The following SNX9 variants were observed in gnomAD, a reference collection of about 807,000 sequenced individuals.
The protein encoded by SNX9 is sorting nexin 9, also known as sorting nexin-9.
Under a neutral mutation model 89.4 loss-of-function variants are expected in SNX9, and 44 were observed. That is an observed-to-expected ratio of 0.49 (90% CI 0.39 to 0.63). The LOEUF (loss-of-function observed/expected upper bound fraction) is 0.63. SNX9 is among the 30% of genes least tolerant of loss of function. SNX9 has a pLI of 0.00. For missense variants in SNX9, 578 were observed against 736.1 expected (o/e 0.79, Z 2.49); for synonymous variants, 236 against 247.8 (o/e 0.95, Z 0.45).
chr6:157,828,500 AT>A (rs998166742), intron 1 of SNX9, among the ~76,000 whole-genome samples: 166 of 148,988 alleles, frequency 1.1e-3, no homozygotes, highest in Middle Eastern at 3.5e-3. Flanking sequence ...GATTATTATT[AT>A]TTTTTTTTTG....
chr6:157,914,632 ACTT>A (rs1783425350), intron 9 of SNX9, among the ~76,000 whole-genome samples: 1 of 149,914 alleles, frequency 6.7e-6, no homozygotes. Context: ...TCTCATCAAC[ACTT>A]CTTGTTAATT....
chr6:157,941,080 A>T, intron 17 of SNX9, 106 bp downstream of exon 17: 1 of 998,264 alleles, frequency 1.0e-6, no homozygotes, highest in Non-Finnish European at 1.5e-6. Flanking sequence ...AATCCTAAGT[A>T]ATAAACCAAA....
intron 4 of SNX9, among the ~76,000 whole-genome samples, chr6:157,882,420 C>A (rs528296893): frequency 6.6e-6 from 1 of 152,310 alleles, no homozygotes; most frequent in African/African-American, 2.4e-5. Flanking sequence ...TATTCTACAG[C>A]CCTTGGATCG....
chr6:157,858,195 G>A (rs1487742883), intron 1 of SNX9, among the ~76,000 whole-genome samples: 1 of 151,674 alleles, frequency 6.6e-6, no homozygotes, highest in Non-Finnish European at 1.5e-5. Flanking sequence ...CTATCGTTCT[G>A]TTGGCCAGAG....
chr6:157,846,303 C>T (rs1177677321), intron 1 of SNX9, among the ~76,000 whole-genome samples: 2 of 152,216 alleles, frequency 1.3e-5, no homozygotes, highest in African/African-American at 2.4e-5. Flanking sequence ...TATCCTTAAG[C>T]CTACATTTGT....
At chr6:157,907,547 G>A (rs1033390121) in intron 7 of SNX9, among the ~76,000 whole-genome samples, 16 of 152,298 alleles carry the variant, frequency 1.1e-4, no homozygotes, top group Admixed American at 3.3e-4. Context: ...GCCTCCCAAA[G>A]TGCTGGGATT....
intron 9 of SNX9, among the ~76,000 whole-genome samples, chr6:157,911,301 A>G (rs1036009866): frequency 1.3e-5 from 2 of 152,198 alleles, no homozygotes; most frequent in Admixed American, 1.3e-4. Flanking sequence ...TAAAAGAGAC[A>G]CTGAGATGCT....
chr6:157,840,287 A>C (rs1043869297), intron 1 of SNX9, among the ~76,000 whole-genome samples: 1 of 152,130 alleles, frequency 6.6e-6, no homozygotes. Flanking sequence ...CTCAGGGAAG[A>C]GGGGCTGCTC....
At chr6:157,924,080 C>A (rs950791564) in intron 10 of SNX9, among the ~76,000 whole-genome samples, 1 of 152,108 alleles carries the variant, frequency 6.6e-6, no homozygotes, top group Non-Finnish European at 1.5e-5. Context: ...CACCTGTAAT[C>A]CCAGCTACTT....
rs547332175 is a variant in SNX9 at position 157,852,275 on chromosome 6, C to T, written c.13-15272C>T. 8.4e-4 allele frequency among the ~76,000 whole-genome samples: 128 copies of T among 152,302 alleles called. 1 individual carries two copies. Among genetic ancestry groups the T allele is most frequent in the Admixed American group, 1.0e-3 (16 of 15,308 alleles). On this transcript the variant is annotated intron_variant, in intron 1 of 17. Coordinates refer to ENST00000392185, the MANE Select transcript of SNX9 (RefSeq NM_016224.5). ...TTTAAAGAAGTATATCTGAATTTTA[C>T]ACATACTCCAAAACTGTAATTATTT...
intron 1 of SNX9, among the ~76,000 whole-genome samples, chr6:157,836,615 CAG>C (rs1162498903): frequency 6.7e-6 from 1 of 149,778 alleles, no homozygotes; most frequent in African/African-American, 2.5e-5. Context: ...TTTTTTGATA[CAG>C]AGTCTTACTC....
chr6:157,941,074 C>T (rs537780610), intron 17 of SNX9, 100 bp downstream of exon 17: 4 of 1,064,402 alleles, frequency 3.8e-6, no homozygotes, highest in Admixed American at 2.2e-5. Context: ...TTCTTTAATC[C>T]TAAGTAATAA....
chr6:157,848,249 G>A (rs73792148), intron 1 of SNX9, among the ~76,000 whole-genome samples: 1,917 of 152,078 alleles, frequency 0.013, 35 homozygotes, highest in African/African-American at 0.042. Context: ...TAAACATACC[G>A]GCTACCTAGC....
intron 14 of SNX9, among the ~76,000 whole-genome samples, chr6:157,936,801 C>G (rs772878854): frequency 3.3e-5 from 5 of 152,132 alleles, no homozygotes; most frequent in African/African-American, 7.2e-5. Flanking sequence ...CTTTAGTACC[C>G]CAGTTTCAGG....
chr6:157,894,378 AGGATTATAGGCAT>A (rs1782932306), intron 4 of SNX9, among the ~76,000 whole-genome samples: 1 of 149,406 alleles, frequency 6.7e-6, no homozygotes, highest in South Asian at 2.1e-4. Flanking sequence ...CGAAAGTGGT[AGGATTATAGGCAT>A]GAGCCACTGT....
At chr6:157,882,006 G>A (rs535924377) in intron 4 of SNX9, among the ~76,000 whole-genome samples, 1 of 152,306 alleles carries the variant, frequency 6.6e-6, no homozygotes, top group South Asian at 2.1e-4. Flanking sequence ...TTCTATTATT[G>A]GAAGAAGATG....
intron 6 of SNX9, among the ~76,000 whole-genome samples, chr6:157,905,797 C>T (rs1783202108): frequency 6.6e-6 from 1 of 152,194 alleles, no homozygotes; most frequent in Non-Finnish European, 1.5e-5. Flanking sequence ...GCTCACTACT[C>T]ACTGCCCCAG....
intron 1 of SNX9, among the ~76,000 whole-genome samples, chr6:157,854,333 G>A (rs1278635629): frequency 3.9e-5 from 6 of 152,308 alleles, no homozygotes; most frequent in South Asian, 4.1e-4. Context: ...TGCCCTAGGC[G>A]TTAAATAGTG....
chr6:157,834,155 T>TTTTG (rs1374595711), intron 1 of SNX9, among the ~76,000 whole-genome samples: 8 of 67,006 alleles, frequency 1.2e-4, no homozygotes, highest in Non-Finnish European at 1.8e-4. Context: ...CTGTGGTTTT[T>TTTTG]TTTTTTTTTT....
Sources: gnomAD v4.1 joint callset for allele counts (sites outside exome capture counted in the v4.1 genomes callset) on GRCh38, gnomAD v4.1.1 for gene constraint, MANE v1.5 for transcripts, NCBI Gene and HGNC (gene_info 2026-07-23, HGNC 2026-07-21) for gene names.